The following PKNOX2 variants were observed in gnomAD, a reference collection of about 807,000 sequenced individuals.
PKNOX2 encodes homeobox protein PKNOX2.
A neutral mutation model predicts 53.1 loss-of-function variants in PKNOX2; 14 were observed. The observed-to-expected ratio is 0.26, with a 90% confidence interval of 0.17 to 0.41. The LOEUF (loss-of-function observed/expected upper bound fraction) is 0.41. Ranked by LOEUF, PKNOX2 falls within the 10% of genes least tolerant of loss-of-function variation. The probability of loss-of-function intolerance (pLI) is 1.00; values close to 1 mark genes in which losing one functional copy is unlikely to be tolerated. For missense variants in PKNOX2, 496 were observed against 602.8 expected, an observed-to-expected ratio of 0.82 and a Z score of 1.85; for synonymous variants, 257 against 242.8, an observed-to-expected ratio of 1.06 and a Z score of -0.54.
intron 2 of PKNOX2, among the ~76,000 whole-genome samples, chr11:125,290,598 C>T (rs1266536347): frequency 2.0e-5 from 3 of 152,226 alleles, no homozygotes; most frequent in East Asian, 1.9e-4. Flanking sequence ...AGTCAATAAA[C>T]ATTCATTACG....
chr11:125,325,638 C>T (rs1484224979), intron 2 of PKNOX2, among the ~76,000 whole-genome samples: 1 of 152,182 alleles, frequency 6.6e-6, no homozygotes, highest in East Asian at 1.9e-4. Context: ...ACGTCATTGC[C>T]AAGCCCTTTG....
rs146375420 is a variant in PKNOX2 at position 125,206,872 on chromosome 11, G to C, written c.-200-28173G>C. 5.1e-4 allele frequency among the ~76,000 whole-genome samples: 78 copies of C among 152,108 alleles called. 1 individual carries two copies. The East Asian group carries it at 0.01, about 20-fold the overall frequency. ...AGGATCACGTTGGCAGTATAAGAAG[G>C]CTGGATGAACGTGGGCAAGACCAGG... On this transcript the variant is annotated intron_variant, in intron 1 of 12. Coordinates refer to ENST00000298282, the MANE Select transcript of PKNOX2 (RefSeq NM_001382323.2).
At chr11:125,272,028 A>G (rs1292434689) in intron 2 of PKNOX2, among the ~76,000 whole-genome samples, 2 of 152,352 alleles carry the variant, frequency 1.3e-5, no homozygotes, top group South Asian at 4.1e-4. Context: ...ACAGAACACT[A>G]TAAGCCCAGA....
chr11:125,346,663 C>T (rs1457168274), intron 3 of PKNOX2, among the ~76,000 whole-genome samples: 1 of 152,176 alleles, frequency 6.6e-6, no homozygotes, highest in Non-Finnish European at 1.5e-5. Context: ...GAAGGAAAAT[C>T]ATGAACATGC....
At chr11:125,183,738 A>T (rs590211) in intron 1 of PKNOX2, among the ~76,000 whole-genome samples, 1 of 151,570 alleles carries the variant, frequency 6.6e-6, no homozygotes, top group South Asian at 2.1e-4. Context: ...ACAAAAAGAG[A>T]TGATTTTTTT....
intron 2 of PKNOX2, among the ~76,000 whole-genome samples, chr11:125,304,982 G>C (rs557675538): frequency 6.6e-6 from 1 of 152,164 alleles, no homozygotes; most frequent in Admixed American, 6.5e-5. Context: ...CTCCTTACAC[G>C]CAAGGAAATG....
At chr11:125,174,745 A>G (rs528377587) in intron 1 of PKNOX2, among the ~76,000 whole-genome samples, 25 of 152,268 alleles carry the variant, frequency 1.6e-4, no homozygotes, top group African/African-American at 5.5e-4. Context: ...CAGGAGGGTC[A>G]GGGGGACAGA....
rs1565477011 is a variant in PKNOX2 at position 125,240,342 on chromosome 11, GT to G, written c.-130+5230del. ...AGAGTATTGTCTTACGGATAATTTC[GT>G]TTGCCTAACGAGATTTTGCTAATTA... On this transcript the variant is annotated intron_variant, in intron 2 of 12. Coordinates refer to ENST00000298282, the MANE Select transcript of PKNOX2 (RefSeq NM_001382323.2). The surrounding 1 kb of genome is among the most constrained non-coding windows in gnomAD (Gnocchi z 4.3). 6.6e-6 allele frequency: 1 copy of G among 152,186 alleles called. No individual in the cohort carries two copies. The highest frequency in any genetic ancestry group is 1.5e-5 in the Non-Finnish European group (1 of 68,048). 9.4% of individuals were successfully genotyped at this position (152,186 alleles called of 1,614,324 possible).
intron 2 of PKNOX2, among the ~76,000 whole-genome samples, chr11:125,255,238 T>C (rs1348290577): frequency 3.3e-5 from 5 of 152,232 alleles, no homozygotes; most frequent in African/African-American, 1.2e-4. Context: ...GAGCTGTGCC[T>C]GGAACCACCC....
chr11:125,294,008 A>C (rs974145323), intron 2 of PKNOX2, among the ~76,000 whole-genome samples: 34 of 152,198 alleles, frequency 2.2e-4, no homozygotes, highest in Admixed American at 3.3e-4. Flanking sequence ...GCAATGAAAA[A>C]CTGTGTTAGG....
Position 125,346,399 on chromosome 11 carries a change from G to A in PKNOX2, c.-22-4885G>A, listed in dbSNP as rs906200051. Among the ~76,000 whole-genome samples, 13 of 152,306 alleles carry A rather than the reference G, an allele frequency of 8.5e-5. No individual in the cohort carries two copies. In the East Asian group the frequency reaches 2.5e-3, roughly 29 times the overall value. ...TGCAAATCCTGGGCAAAGGCTTCCC[G>A]AATGTTCTGGGGAAATCCCTTCATT... On this transcript the variant is annotated intron_variant, in intron 3 of 12. Coordinates refer to ENST00000298282, the MANE Select transcript of PKNOX2 (RefSeq NM_001382323.2).
intron 10 of PKNOX2, among the ~76,000 whole-genome samples, chr11:125,428,425 A>G (rs1482805808): frequency 6.6e-6 from 1 of 152,148 alleles, no homozygotes; most frequent in Non-Finnish European, 1.5e-5. Context: ...TCAGAGTTTC[A>G]ATGATGTGCT....
chr11:125,314,114 C>T (rs890477825), intron 2 of PKNOX2, among the ~76,000 whole-genome samples: 35 of 152,158 alleles, frequency 2.3e-4, no homozygotes, highest in African/African-American at 8.2e-4. Flanking sequence ...CTGCGGAGCC[C>T]TGTGGGTATG....
chr11:125,381,937 A>G (rs1400802399), intron 5 of PKNOX2, among the ~76,000 whole-genome samples: 1 of 152,182 alleles, frequency 6.6e-6, no homozygotes, highest in Non-Finnish European at 1.5e-5. Flanking sequence ...ACTCTAAGAA[A>G]AGCTGCTCCT....
intron 2 of PKNOX2, among the ~76,000 whole-genome samples, chr11:125,285,637 G>C (rs558463018): frequency 6.6e-6 from 1 of 152,214 alleles, no homozygotes; most frequent in African/African-American, 2.4e-5. Context: ...CAGTAGTAGA[G>C]GTGACTGCAG....
chr11:125,261,792 T>C (rs1944864294), intron 2 of PKNOX2, among the ~76,000 whole-genome samples: 1 of 152,176 alleles, frequency 6.6e-6, no homozygotes, highest in African/African-American at 2.4e-5. Context: ...GCAAACACAA[T>C]AGAATTAACT....
intron 1 of PKNOX2, among the ~76,000 whole-genome samples, chr11:125,231,537 G>A (rs898048861): frequency 1.3e-5 from 2 of 152,246 alleles, no homozygotes; most frequent in African/African-American, 4.8e-5. Context: ...TTATTTGCCT[G>A]TGAGGATCAC....
At chr11:125,316,196 C>A (rs1251174220) in intron 2 of PKNOX2, among the ~76,000 whole-genome samples, 1 of 152,176 alleles carries the variant, frequency 6.6e-6, no homozygotes, top group African/African-American at 2.4e-5. Flanking sequence ...CTGACTCACC[C>A]CTCTTTAGTG....
chr11:125,205,987 T>A (rs1214437424), intron 1 of PKNOX2, among the ~76,000 whole-genome samples: 1 of 152,048 alleles, frequency 6.6e-6, no homozygotes, highest in Non-Finnish European at 1.5e-5. Flanking sequence ...GCTAAGGGAA[T>A]TCCAGGAAGA....
Sources: gnomAD v4.1 joint callset for allele counts (sites outside exome capture counted in the v4.1 genomes callset) on GRCh38, gnomAD v4.1.1 for gene constraint, Gnocchi (gnomAD v3.1) non-coding constraint, MANE v1.5 for transcripts, NCBI Gene and HGNC (gene_info 2026-07-23, HGNC 2026-07-21) for gene names.